The following SMG9 variants were observed in gnomAD, a reference collection of about 807,000 sequenced individuals.
SMG9 encodes nonsense-mediated mRNA decay factor SMG9.
Under a neutral mutation model 64.0 loss-of-function variants are expected in SMG9, and 55 were observed. The observed-to-expected ratio is 0.86, with a 90% CI of 0.69 to 1.08. The LOEUF is 1.08. SMG9 is among the 50% of genes least tolerant of loss of function. The probability of loss-of-function intolerance (pLI) is 0.00; values close to 1 mark genes in which losing one functional copy is unlikely to be tolerated. For missense variants in SMG9, 554 were observed against 681.3 expected (o/e 0.81, Z 2.08); for synonymous variants, 244 against 254.8 (o/e 0.96, Z 0.41).
At chr19:43,733,552 TAG>T (rs1968555399) in intron 11 of SMG9, 72 bp downstream of exon 11, 2 of 1,605,564 alleles carry the variant, frequency 1.2e-6, no homozygotes, top group Non-Finnish European at 1.7e-6. Context: ...AGTCTGGGGG[TAG>T]AGACTGACCC....
chr19:43,747,916 T>C lies in SMG9; in HGVS notation c.226-19A>G, dbSNP rs1969073342. ...GTTTTGACTACGGAGGTAAAAAAAATCCCATCAATGGGGGCAATCCCTTCC... is the reference window on the plus strand; with the variant it reads ...GTTTTGACTACGGAGGTAAAAAAAACCCCATCAATGGGGGCAATCCCTTCC... On this transcript the variant is annotated intron_variant, in intron 3 of 13. Coordinates refer to ENST00000270066, the MANE Select transcript of SMG9 (RefSeq NM_019108.4). The C allele has an allele frequency of 6.2e-7, 1 of 1,613,604 alleles. No individual in the cohort carries two copies. The highest frequency in any genetic ancestry group is 8.5e-7 in the Non-Finnish European group (1 of 1,179,868).
chr19:43,753,553 C>T (rs1438855510), intron 1 of SMG9, among the ~76,000 whole-genome samples: 1 of 151,106 alleles, frequency 6.6e-6, no homozygotes, highest in Non-Finnish European at 1.5e-5. Context: ...CTCTGCCTCC[C>T]GGGTTCAGGC....
Position 43,737,056 on chromosome 19 carries a change from C to T in SMG9, c.995+541G>A, listed in dbSNP as rs113610267. Among the ~76,000 whole-genome samples, 29 of 152,230 alleles carry T rather than the reference C, an allele frequency of 1.9e-4. 1 individual carries two copies. The highest frequency in any genetic ancestry group is 7.0e-4 in the African/African-American group (29 of 41,542). On this transcript the variant is annotated intron_variant, in intron 9 of 13. Coordinates refer to ENST00000270066, the MANE Select transcript of SMG9 (RefSeq NM_019108.4). ...TAGGTGGCCGAGGCAGGTGGATCACCTGAGGTCAGGAGTTCAAAACCAGCC... is the reference window on the plus strand; with the variant it reads ...TAGGTGGCCGAGGCAGGTGGATCACTTGAGGTCAGGAGTTCAAAACCAGCC...
chr19:43,732,033 G>A (rs987165839), intron 13 of SMG9, among the ~76,000 whole-genome samples: 8 of 152,196 alleles, frequency 5.3e-5, no homozygotes, highest in Admixed American at 2.6e-4. Context: ...AACAGCAGCT[G>A]CACAACCCAC....
intron 9 of SMG9, among the ~76,000 whole-genome samples, chr19:43,737,272 C>CAATAAATA (rs60683205): frequency 1.8e-3 from 264 of 149,332 alleles, no homozygotes; most frequent in South Asian, 9.7e-3. Context: ...GACTCCGTCT[C>CAATAAATA]AATAAATAAA....
At chr19:43,739,013 C>T (rs1054226977) in intron 7 of SMG9, among the ~76,000 whole-genome samples, 8 of 152,222 alleles carry the variant, frequency 5.3e-5, no homozygotes, top group Non-Finnish European at 1.2e-4. Context: ...AACTAAAGGG[C>T]CAGGCCCTGT....
In SMG9 at chr19:43,731,322, A is replaced by G; in HGVS notation, c.*274T>C. On this transcript the variant is annotated 3_prime_UTR_variant, in exon 14 of 14. Transcript: ENST00000270066. ...CCCGGGCTTCCTGGTGACCATTCAGACTCCTCCCACTGCTTGTCCCTGTGG... is the reference window on the plus strand; with the variant it reads ...CCCGGGCTTCCTGGTGACCATTCAGGCTCCTCCCACTGCTTGTCCCTGTGG... 1 of 1,242,792 alleles carries G rather than the reference A, an allele frequency of 8.0e-7. No homozygotes were observed. Among genetic ancestry groups the G allele is most frequent in the South Asian group, 2.4e-5 (1 of 42,340 alleles). 77.0% of individuals were successfully genotyped at this position (1,242,792 alleles called of 1,614,324 possible). A position where few individuals can be genotyped will look rare whatever the true frequency, so the allele number is the denominator to read the frequency against.
In SMG9 at chr19:43,748,008, G is replaced by A. The variant is rs1427893791; in HGVS notation, c.195C>T (p.Pro65=). 1.2e-6 allele frequency: 2 copies of A among 1,613,836 alleles called. No homozygotes were observed. Among genetic ancestry groups the A allele is most frequent in the Non-Finnish European group, 1.7e-6 (2 of 1,179,876 alleles). Residue 65 remains proline, a synonymous_variant, in exon 3 of 14, where the codon CCC becomes CCT. Transcript: ENST00000270066. ...CTGCTGGAGGTTTTGAGAGGATGATGGGGGTTTTCTGCATGACGGAAGTGC... is the reference window on the plus strand; with the variant it reads ...CTGCTGGAGGTTTTGAGAGGATGATAGGGGTTTTCTGCATGACGGAAGTGC... ...ETSTSVMQKT[P]IILSKPPAER...
chr19:43,736,801 G>A (rs947858184), intron 9 of SMG9, among the ~76,000 whole-genome samples: 2 of 152,230 alleles, frequency 1.3e-5, no homozygotes, highest in Admixed American at 6.5e-5. Context: ...AAACACAGAA[G>A]TGAGGGAGAG....
chr19:43,748,179 T>C lies in SMG9; in HGVS notation c.151-127A>G, dbSNP rs1050700294. The C allele has an allele frequency of 2.7e-6, 3 of 1,107,442 alleles. No homozygotes were observed. The African/African-American group carries it at 4.8e-5, about 18-fold the overall frequency. 68.6% of individuals were successfully genotyped at this position (1,107,442 alleles called of 1,614,324 possible). On this transcript the variant is annotated intron_variant, in intron 2 of 13. Transcript: ENST00000270066. Reference sequence around the variant, plus strand: ...TGATCCTACCAACAGCCCTGTGAGATAGATACTATTATTACCCCCACTTTA... The same window carrying C: ...TGATCCTACCAACAGCCCTGTGAGACAGATACTATTATTACCCCCACTTTA...
chr19:43,747,278 T>C lies in SMG9; in HGVS notation c.588+164A>G, dbSNP rs146342183. On this transcript the variant is annotated intron_variant, in intron 5 of 13. Coordinates refer to ENST00000270066, the MANE Select transcript of SMG9 (RefSeq NM_019108.4). ...TACCAACTAGCAAGCACAGCCGAGC[T>C]AGTTGAAATTCCGCTCTGGTTAGGT... 1.5e-3 allele frequency among the ~76,000 whole-genome samples: 230 copies of C among 152,292 alleles called. 3 individuals are homozygous for C. The highest frequency in any genetic ancestry group is 0.014 in the South Asian group (69 of 4,828).
At chr19:43,738,868 T>G (rs1315627504) in intron 7 of SMG9, among the ~76,000 whole-genome samples, 1 of 152,186 alleles carries the variant, frequency 6.6e-6, no homozygotes, top group African/African-American at 2.4e-5. Context: ...CCACAGCCGG[T>G]TTGGTTTGTC....
Position 43,747,719 on chromosome 19 carries a change from C to A in SMG9, c.404G>T (p.Gly135Val). The stretch of plus-strand genomic sequence containing the variant: ...TGTGGGTCTCTGCCCCTCCTTCTCC[C>A]CCTTGGGTGGCGCAGGGGCTGCAGG... ...PPPAAPAPPK[G>V]EKEGQRPTQP... Residue 135 changes from glycine (G) to valine (V), a missense_variant, in exon 4 of 14, where the codon GGG (glycine) becomes GTG (valine). Coordinates refer to ENST00000270066, the MANE Select transcript of SMG9 (RefSeq NM_019108.4). The A allele has an allele frequency of 6.2e-7, 1 of 1,611,306 alleles. No homozygotes were observed. The highest frequency in any genetic ancestry group is 1.1e-5 in the South Asian group (1 of 90,736).
rs779426845 is a variant in SMG9, at chr19:43,747,979, C to A, written c.224G>T (p.Arg75Leu). 1.9e-6 allele frequency: 3 copies of A among 1,614,056 alleles called. No homozygotes were observed. The highest frequency in any genetic ancestry group is 2.5e-6 in the Non-Finnish European group (3 of 1,180,036). Residue 75 changes from arginine (R) to leucine (L), a missense_variant and splice_region_variant, in exon 3 of 14, where the codon CGG (arginine) becomes CTG (leucine). Arg to Leu is a moderately radical substitution (Grantham distance 102). Coordinates refer to ENST00000270066, the MANE Select transcript of SMG9 (RefSeq NM_019108.4). Reference protein sequence around the residue: ...PIILSKPPAERSKQPPPPTAP... With the variant: ...PIILSKPPAELSKQPPPPTAP... Reference sequence around the variant, plus strand: ...CCTCCTCCCTCCTTCTCTGCTCACCCGCTCTGCTGGAGGTTTTGAGAGGAT... The same window carrying A: ...CCTCCTCCCTCCTTCTCTGCTCACCAGCTCTGCTGGAGGTTTTGAGAGGAT...
Position 43,747,765 on chromosome 19 carries a change from CAG to C in SMG9, c.356_357del (p.Pro119ArgfsTer67), listed in dbSNP as rs777838680. 3.1e-6 allele frequency: 5 copies of C among 1,608,838 alleles called. No individual in the cohort carries two copies. The African/African-American group carries it at 6.7e-5, about 21-fold the overall frequency. On this transcript the variant is annotated frameshift_variant, in exon 4 of 14. Transcript: ENST00000270066. LOFTEE classifies it high-confidence loss of function. ...GPVAVTGAST[P>X]EGTAPPPPAA... Reference sequence around the variant, plus strand: ...GCAGGGGGTGGTGGGGCGGTGCCCTCAGGGGTAGAGGCACCTGTCACGGCCAC... The same window carrying C: ...GCAGGGGGTGGTGGGGCGGTGCCCTCGGGTAGAGGCACCTGTCACGGCCAC...
intron 9 of SMG9, among the ~76,000 whole-genome samples, chr19:43,736,923 C>T (rs372323540): frequency 1.3e-5 from 2 of 152,178 alleles, no homozygotes; most frequent in South Asian, 2.1e-4. Context: ...CTGAGGGAGG[C>T]GGAGTGCAGA....
intron 6 of SMG9, among the ~76,000 whole-genome samples, chr19:43,740,991 T>C (rs439711): frequency 0.87 from 132,328 of 152,236 alleles, 57,588 homozygotes; most frequent in East Asian, 0.96. Flanking sequence ...CTATCTCCCC[T>C]CAAGATGCAT....
In SMG9 at chr19:43,732,978, G is replaced by A. The variant is rs553405361; in HGVS notation, c.1364C>T (p.Ser455Phe). 3.1e-6 allele frequency: 5 copies of A among 1,613,214 alleles called. No homozygotes were observed. In the South Asian group the frequency reaches 5.5e-5, roughly 18 times the overall value. The change falls in exon 13 of 14, where the codon TCC (serine) becomes TTC (phenylalanine). Residue 455 changes from serine to phenylalanine, a missense_variant. Ser to Phe is a radical substitution (Grantham distance 155, BLOSUM62 -2). Coordinates refer to ENST00000270066, the MANE Select transcript of SMG9 (RefSeq NM_019108.4). ...RAGPGSSPLF[S>F]LLPGYRGHPS... Reference sequence around the variant, plus strand: ...GTGGCCACGATACCCAGGCAGCAGGGAGAAGAGTGGGCTGGAACCAGGTCC... The same window carrying A: ...GTGGCCACGATACCCAGGCAGCAGGAAGAAGAGTGGGCTGGAACCAGGTCC...
At chr19:43,740,470 CAG>C (rs952549633) in intron 6 of SMG9, among the ~76,000 whole-genome samples, 9 of 152,152 alleles carry the variant, frequency 5.9e-5, no homozygotes, top group Non-Finnish European at 8.8e-5. Flanking sequence ...TGTTGAAGGG[CAG>C]AGACTCCGCC....
Sources: allele counts gnomAD v4.1 joint callset (sites outside exome capture counted in the v4.1 genomes callset), GRCh38; gene constraint gnomAD v4.1.1; transcripts MANE v1.5; gene names NCBI Gene and HGNC (gene_info 2026-07-23, HGNC 2026-07-21).